GPC6: variants seen among roughly 807,000 people sequenced by gnomAD.
The protein encoded by GPC6 is glypican 6.
Under a neutral mutation model 55.2 loss-of-function variants are expected in GPC6, and 14 were observed. That is an observed-to-expected ratio of 0.25 (90% confidence interval 0.17 to 0.40). GPC6 has a LOEUF of 0.40. Among genes scored for constraint, GPC6 ranks in the 10% least tolerant of loss-of-function variants. GPC6 has a pLI of 1.00. For synonymous variants in GPC6, 278 were observed against 259.6 expected (o/e 1.07, Z -0.68); for missense variants, 641 against 708.5 (o/e 0.90, Z 1.08).
At chr13:93,255,829 A>T (rs78906958) in intron 1 of GPC6, among the ~76,000 whole-genome samples, 330 of 152,148 alleles carry the variant, frequency 2.2e-3, no homozygotes, top group African/African-American at 7.5e-3. Flanking sequence ...GTAAATACAA[A>T]TTTTCTTGTG....
chr13:93,763,089 T>G (rs1411567984), intron 2 of GPC6, among the ~76,000 whole-genome samples: 1 of 152,214 alleles, frequency 6.6e-6, no homozygotes, highest in African/African-American at 2.4e-5. Context: ...GTTTTCATGA[T>G]AGGATAATCA....
Position 93,274,464 on chromosome 13 carries a change from A to G in GPC6, c.160+46848A>G, listed in dbSNP as rs567027601. On this transcript the variant is annotated intron_variant, in intron 1 of 8. Transcript: ENST00000377047. Reference sequence around the variant, plus strand: ...TATAATGAATGAATTTCAAAAGAGGACATGATCCTTTGCCACATAGAGATT... The same window carrying G: ...TATAATGAATGAATTTCAAAAGAGGGCATGATCCTTTGCCACATAGAGATT... Among the ~76,000 whole-genome samples the G allele has an allele frequency of 3.3e-5, 5 of 152,308 alleles. No individual in the cohort carries two copies. In the East Asian group the frequency reaches 5.8e-4, roughly 18 times the overall value.
intron 1 of GPC6, among the ~76,000 whole-genome samples, chr13:93,496,062 C>A (rs7330703): frequency 2.6e-5 from 4 of 151,932 alleles, no homozygotes; most frequent in Non-Finnish European, 5.9e-5. Flanking sequence ...CCAGTTGGAG[C>A]TTCCTGGCTG....
chr13:94,150,693 C>G (rs1203880486), intron 4 of GPC6, among the ~76,000 whole-genome samples: 1 of 151,548 alleles, frequency 6.6e-6, no homozygotes, highest in African/African-American at 2.4e-5. Flanking sequence ...AGCTGCTGCT[C>G]TTAAAACTAC....
At chr13:93,347,467 A>G (rs1880469769) in intron 1 of GPC6, among the ~76,000 whole-genome samples, 1 of 152,190 alleles carries the variant, frequency 6.6e-6, no homozygotes, top group African/African-American at 2.4e-5. Context: ...AGTCTTCAGT[A>G]TCACAGTGAC....
chr13:93,959,102 A>C (rs1879643993), intron 3 of GPC6, among the ~76,000 whole-genome samples: 1 of 152,120 alleles, frequency 6.6e-6, no homozygotes, highest in Non-Finnish European at 1.5e-5. Flanking sequence ...TTCTAGGTAT[A>C]AAATCATATT....
At chr13:93,896,434 AT>A (rs1311692491) in intron 3 of GPC6, among the ~76,000 whole-genome samples, 1 of 152,064 alleles carries the variant, frequency 6.6e-6, no homozygotes, top group Non-Finnish European at 1.5e-5. Flanking sequence ...GATTCAGACC[AT>A]TTCTGGCTAG....
chr13:93,703,660 A>C (rs192734260), intron 2 of GPC6, among the ~76,000 whole-genome samples: 18 of 152,076 alleles, frequency 1.2e-4, no homozygotes, highest in Non-Finnish European at 1.8e-4. Context: ...AACAAATGAG[A>C]AAGTAACAAA....
intron 1 of GPC6, among the ~76,000 whole-genome samples, chr13:93,385,070 G>T (rs1875339493): frequency 6.6e-6 from 1 of 152,200 alleles, no homozygotes; most frequent in African/African-American, 2.4e-5. Context: ...TTGGGAAAAG[G>T]GTGTTAAGGA....
At chr13:93,354,358 T>TG (rs200333440) in intron 1 of GPC6, among the ~76,000 whole-genome samples, 2 of 144,376 alleles carry the variant, frequency 1.4e-5, no homozygotes, top group East Asian at 4.1e-4. Context: ...GATTTTTTTT[T>TG]TTTTTTTTTT....
At chr13:93,653,901 T>A (rs1880538560) in intron 2 of GPC6, among the ~76,000 whole-genome samples, 1 of 152,130 alleles carries the variant, frequency 6.6e-6, no homozygotes, top group Admixed American at 6.5e-5. Context: ...GTGAGACAGT[T>A]CTCTAGTCAT....
chr13:93,893,647 G>T (rs1439477367), intron 3 of GPC6, among the ~76,000 whole-genome samples: 2 of 152,060 alleles, frequency 1.3e-5, no homozygotes, highest in Non-Finnish European at 2.9e-5. Flanking sequence ...AGGATTTCCT[G>T]ATACACATTA....
At chr13:94,091,476 C>G (rs936326927) in intron 4 of GPC6, among the ~76,000 whole-genome samples, 1 of 152,062 alleles carries the variant, frequency 6.6e-6, no homozygotes, top group Non-Finnish European at 1.5e-5. Context: ...TAAAGTATTT[C>G]AAAATTATAA....
chr13:93,353,745 G>A (rs1037953134), intron 1 of GPC6, among the ~76,000 whole-genome samples: 1 of 152,238 alleles, frequency 6.6e-6, no homozygotes, highest in African/African-American at 2.4e-5. Flanking sequence ...CTATAGGTAA[G>A]TTGGGCGGAA....
At chr13:94,052,486 A>G (rs1883987500) in intron 4 of GPC6, among the ~76,000 whole-genome samples, 1 of 152,178 alleles carries the variant, frequency 6.6e-6, no homozygotes, top group South Asian at 2.1e-4. Context: ...TGATATATTT[A>G]TGCTATGGAG....
chr13:94,300,711 T>C (rs1875604640), intron 5 of GPC6, among the ~76,000 whole-genome samples: 1 of 152,220 alleles, frequency 6.6e-6, no homozygotes, highest in Non-Finnish European at 1.5e-5. Context: ...ATTATCACTT[T>C]CAACATCCCT....
At chr13:93,773,411 G>A (rs1298668303) in intron 2 of GPC6, among the ~76,000 whole-genome samples, 2 of 152,070 alleles carry the variant, frequency 1.3e-5, no homozygotes, top group Non-Finnish European at 2.9e-5. Flanking sequence ...GGAAATTGAT[G>A]ATGAAAAAGA....
chr13:93,995,724 C>A (rs1881515921), intron 3 of GPC6, among the ~76,000 whole-genome samples: 1 of 152,070 alleles, frequency 6.6e-6, no homozygotes, highest in Non-Finnish European at 1.5e-5. Flanking sequence ...AAATATTTTT[C>A]TCTGAAACAA....
intron 1 of GPC6, among the ~76,000 whole-genome samples, chr13:93,512,025 T>G (rs950557849): frequency 6.6e-6 from 1 of 152,130 alleles, no homozygotes; most frequent in East Asian, 1.9e-4. Context: ...TTTTGTACAT[T>G]GCTTTTGTAT....
Sources: gnomAD v4.1 joint callset for allele counts (sites outside exome capture counted in the v4.1 genomes callset) on GRCh38, gnomAD v4.1.1 for gene constraint, MANE v1.5 for transcripts, NCBI Gene and HGNC (gene_info 2026-07-23, HGNC 2026-07-21) for gene names.